RAP1GAP: variants seen among roughly 807,000 people sequenced by gnomAD.
RAP1GAP encodes the protein rap1 GTPase-activating protein 1.
In RAP1GAP, 35 loss-of-function variants were observed where a neutral mutation model predicts 87.2. The ratio of observed to expected loss-of-function variants is 0.40; its 90% CI spans 0.31 to 0.53. The LOEUF (loss-of-function observed/expected upper bound fraction) is 0.53, where lower values mean the gene tolerates loss of function less well. Ranked by LOEUF, RAP1GAP falls within the 20% of genes least tolerant of loss-of-function variation. The pLI is 0.48. For synonymous variants in RAP1GAP, 375 were observed against 363.9 expected (o/e 1.03, Z -0.35); for missense variants, 734 against 898.9 (o/e 0.82, Z 2.35).
At chr1:21,626,473 G>C (rs2092100006) in intron 2 of RAP1GAP, 76 bp from the exon 3 acceptor site, 2 of 1,203,806 alleles carry the variant, frequency 1.7e-6, no homozygotes, top group South Asian at 1.2e-5. Flanking sequence ...GTCACTCTCA[G>C]AGCTGGGGGA....
chr1:21,638,062 G>A (rs1269063), intron 2 of RAP1GAP, among the ~76,000 whole-genome samples: 1 of 149,608 alleles, frequency 6.7e-6, no homozygotes, highest in African/African-American at 2.5e-5. Context: ...GAGGTGGGAA[G>A]ACTGATTGAG....
intron 10 of RAP1GAP, 36 bp from the exon 11 acceptor site, chr1:21,612,145 T>A (rs1158229725): frequency 1.4e-6 from 2 of 1,476,484 alleles, no homozygotes; most frequent in Admixed American, 3.9e-5. Context: ...AGGCTGCGTG[T>A]GCAAGCTGCC....
intron 1 of RAP1GAP, chr1:21,665,303 G>A (rs763950353): frequency 1.9e-6 from 1 of 514,062 alleles, no homozygotes; most frequent in Non-Finnish European, 3.9e-6. Context: ...GGCCTCGGTT[G>A]GCAGAGGTAT....
At chr1:21,611,317 C>T in intron 13 of RAP1GAP, 135 bp downstream of exon 13, 1 of 1,289,786 alleles carries the variant, frequency 7.8e-7, no homozygotes, top group Non-Finnish European at 1.1e-6. Context: ...AACGAGACCC[C>T]ACAAGTGGGG....
In RAP1GAP at chr1:21,660,177, A is replaced by G. The variant is rs1408137508; in HGVS notation, c.-149+9077T>C. On this transcript the variant is annotated intron_variant, in intron 1 of 24. Coordinates refer to ENST00000374765, the MANE Select transcript of RAP1GAP (RefSeq NM_002885.4). ...CTCACAAAGCACCTCCCCAAGACAC[A>G]CAGTAGGTGCTTAATAACCCGTTGC... Among the ~76,000 whole-genome samples the G allele has an allele frequency of 2.7e-5, 4 of 150,644 alleles. 1 individual carries two copies. The East Asian group carries it at 7.8e-4, about 30-fold the overall frequency.
At chr1:21,619,207 G>C in intron 4 of RAP1GAP, 135 bp from the exon 5 acceptor site, 1 of 899,486 alleles carries the variant, frequency 1.1e-6, no homozygotes, top group South Asian at 1.7e-5. Flanking sequence ...CAGGGTGCTA[G>C]CTGGCTGGGG....
chr1:21,649,874 G>T, intron 1 of RAP1GAP, 78 bp from the exon 2 acceptor site: 1 of 1,399,310 alleles, frequency 7.1e-7, no homozygotes, highest in Non-Finnish European at 9.9e-7. Flanking sequence ...ACACCCACCT[G>T]CACTGCACCA....
chr1:21,612,440 A>C lies in RAP1GAP; in HGVS notation c.529-331T>G, dbSNP rs955870426. ...GCCAAGCCCACCCCTACTCCACTCT[A>C]ACTCCCAACTCACTCCTCGGCTCCT... On this transcript the variant is annotated intron_variant, in intron 10 of 24. Transcript: ENST00000374765. Among the ~76,000 whole-genome samples, 3 of 151,910 alleles carry C rather than the reference A, an allele frequency of 2.0e-5. No homozygotes were observed. In the East Asian group the frequency reaches 5.8e-4, roughly 29 times the overall value.
In RAP1GAP at chr1:21,634,046, A is replaced by C. The variant is rs1571063034; in HGVS notation, c.-112-7649T>G. ...ACCAGAACCAAGTGGCTGCCCCAGA[A>C]CTGCCCCCTCCCGGGGGGGGGGGGG... On this transcript the variant is annotated intron_variant, in intron 2 of 24. Transcript: ENST00000374765. The surrounding 1 kb of genome is among the most constrained non-coding windows in gnomAD (Gnocchi z 4.1). Among the ~76,000 whole-genome samples, 1 of 92,814 alleles carries C rather than the reference A, an allele frequency of 1.1e-5. No homozygotes were observed. Among genetic ancestry groups the C allele is most frequent in the South Asian group, 4.6e-4 (1 of 2,152 alleles). 60.9% of individuals were successfully genotyped at this position (92,814 alleles called of 152,430 possible). A position where few individuals can be genotyped will look rare whatever the true frequency, so the allele number is the denominator to read the frequency against.
intron 1 of RAP1GAP, among the ~76,000 whole-genome samples, chr1:21,659,759 G>A (rs1048756818): frequency 2.6e-5 from 4 of 152,226 alleles, no homozygotes; most frequent in African/African-American, 7.2e-5. Flanking sequence ...TCACCCGTGC[G>A]CTGCAGCTCA....
chr1:21,646,498 T>C (rs1363738528), intron 2 of RAP1GAP, among the ~76,000 whole-genome samples: 3 of 152,240 alleles, frequency 2.0e-5, no homozygotes, highest in Admixed American at 6.5e-5. Flanking sequence ...ACAGGCCAAA[T>C]TGCAGGACTG....
At chr1:21,608,162 C>CGCCCTA in intron 17 of RAP1GAP, 51 bp downstream of exon 17, 1 of 1,596,232 alleles carries the variant, frequency 6.3e-7, no homozygotes, top group South Asian at 1.1e-5. Flanking sequence ...CCCGGGATTC[C>CGCCCTA]GCCCTAGCCA....
rs987896804 is a variant in RAP1GAP at position 21,598,347 on chromosome 1, C to T, written c.1879+53G>A. On this transcript the variant is annotated intron_variant, in intron 22 of 24. Coordinates refer to ENST00000374765, the MANE Select transcript of RAP1GAP (RefSeq NM_002885.4). ...GGGAACTGGTGCCCAGCCCTGTCCCCCTCCTACCCCAAGGTAGCCCTGCTT... is the reference window on the plus strand; with the variant it reads ...GGGAACTGGTGCCCAGCCCTGTCCCTCTCCTACCCCAAGGTAGCCCTGCTT... 2.7e-6 allele frequency: 4 copies of T among 1,501,488 alleles called. No homozygotes were observed. The African/African-American group carries it at 5.5e-5, about 21-fold the overall frequency. The allele number at this position is 1,501,488 out of a possible 1,614,324, so 93.0% of individuals were successfully genotyped here. A position where few individuals can be genotyped will look rare whatever the true frequency, so the allele number is the denominator to read the frequency against.
chr1:21,641,505 G>A (rs562036056), intron 2 of RAP1GAP, among the ~76,000 whole-genome samples: 86 of 152,286 alleles, frequency 5.6e-4, no homozygotes, highest in African/African-American at 2.0e-3. Context: ...CCCATCTGAA[G>A]CTACCTTAGC....
At chr1:21,651,653 G>GC (rs761770246) in intron 1 of RAP1GAP, 2 of 991,454 alleles carry the variant, frequency 2.0e-6, no homozygotes, top group South Asian at 1.3e-5. Flanking sequence ...CAAACGCTCA[G>GC]CCCCCACAGC....
At chr1:21,620,079 C>A in intron 3 of RAP1GAP, 29 bp from the exon 4 acceptor site, 1 of 1,611,060 alleles carries the variant, frequency 6.2e-7, no homozygotes, top group Non-Finnish European at 8.5e-7. Context: ...AGAGCGAGGT[C>A]AGCTGATCCC....
chr1:21,651,945 C>T (rs1040188360), intron 1 of RAP1GAP: 4 of 848,216 alleles, frequency 4.7e-6, no homozygotes, highest in African/African-American at 3.7e-5. Context: ...CGTCCGCGCC[C>T]CAGCGGGCCG....
In RAP1GAP at chr1:21,603,803, C is replaced by T; in HGVS notation, c.1429-890G>A. ...AGCAGAGAACAGCGCGTGCAGGCAG[C>T]CTCCAGAGCCGGCGGCCCCGCGGAC... On this transcript the variant is annotated intron_variant, in intron 18 of 24. Coordinates refer to ENST00000374765, the MANE Select transcript of RAP1GAP (RefSeq NM_002885.4). The surrounding 1 kb of genome is among the most constrained non-coding windows in gnomAD (Gnocchi z 6.0). 6.3e-7 allele frequency: 1 copy of T among 1,593,572 alleles called. No individual in the cohort carries two copies.
intron 17 of RAP1GAP, among the ~76,000 whole-genome samples, chr1:21,607,044 G>A (rs911972705): frequency 3.9e-5 from 6 of 152,300 alleles, no homozygotes; most frequent in South Asian, 4.1e-4. Flanking sequence ...CTGGGCAGCC[G>A]GGCTAATTCC....
Sources: allele counts gnomAD v4.1 joint callset (sites outside exome capture counted in the v4.1 genomes callset), GRCh38; gene constraint gnomAD v4.1.1; non-coding constraint Gnocchi (gnomAD v3.1); transcripts MANE v1.5; gene names NCBI Gene and HGNC (gene_info 2026-07-23, HGNC 2026-07-21).